Variants in FAM171A1 observed in about 807,000 individuals in gnomAD.
FAM171A1 encodes protein FAM171A1.
A neutral mutation model predicts 74.9 loss-of-function variants in FAM171A1; 23 were observed. The observed-to-expected ratio is 0.31, with a 90% CI of 0.22 to 0.44. The LOEUF is 0.44. Among genes scored for constraint, FAM171A1 ranks in the 20% least tolerant of loss-of-function variants. The probability of loss-of-function intolerance (pLI) is 1.00; values close to 1 mark genes in which losing one functional copy is unlikely to be tolerated. For synonymous variants in FAM171A1, 527 were observed against 505.7 expected (o/e 1.04, Z -0.57); for missense variants, 1,162 against 1,159.2 (o/e 1.00, Z -0.03).
intron 2 of FAM171A1, 29 bp from the exon 3 acceptor site, chr10:15,275,976 G>T: frequency 2.0e-6 from 3 of 1,517,612 alleles, no homozygotes; most frequent in Non-Finnish European, 2.7e-6. Context: ...GATAGAAGGG[G>T]ATTTTAATAG....
At chr10:15,321,041 G>A (rs982221689) in intron 1 of FAM171A1, among the ~76,000 whole-genome samples, 1 of 152,076 alleles carries the variant, frequency 6.6e-6, no homozygotes, top group Non-Finnish European at 1.5e-5. Context: ...AGTTTATGTT[G>A]GCTTATTTGA....
At chr10:15,259,450 C>CAAA (rs898189029) in intron 3 of FAM171A1, among the ~76,000 whole-genome samples, 1 of 151,472 alleles carries the variant, frequency 6.6e-6, no homozygotes, top group Non-Finnish European at 1.5e-5. Context: ...ACAATGATGA[C>CAAA]AAAAAAAACA....
At chr10:15,260,023 C>T (rs532781695) in intron 3 of FAM171A1, among the ~76,000 whole-genome samples, 4 of 152,032 alleles carry the variant, frequency 2.6e-5, no homozygotes, top group Admixed American at 6.6e-5. Context: ...GATGAGGTTT[C>T]GCCATGTTGC....
chr10:15,269,643 G>A (rs1412885441), intron 3 of FAM171A1, among the ~76,000 whole-genome samples: 2 of 152,132 alleles, frequency 1.3e-5, no homozygotes, highest in Admixed American at 6.5e-5. Context: ...ACACTGGCCT[G>A]CTTATTAGTC....
At chr10:15,306,663 G>T (rs1835299725) in intron 1 of FAM171A1, among the ~76,000 whole-genome samples, 1 of 152,198 alleles carries the variant, frequency 6.6e-6, no homozygotes, top group Non-Finnish European at 1.5e-5. Flanking sequence ...ACTGAGCCTG[G>T]CATAGCCATT....
intron 1 of FAM171A1, among the ~76,000 whole-genome samples, chr10:15,346,709 C>A (rs4339937): frequency 2.6e-5 from 4 of 152,098 alleles, no homozygotes; most frequent in Non-Finnish European, 4.4e-5. Flanking sequence ...ATGGGTCCAG[C>A]ACACCCAACT....
intron 1 of FAM171A1, among the ~76,000 whole-genome samples, chr10:15,337,880 G>A (rs1474880750): frequency 1.3e-5 from 2 of 152,156 alleles, no homozygotes; most frequent in African/African-American, 4.8e-5. Context: ...GAACCTGGGA[G>A]GCAGAGGCTG....
At chr10:15,317,076 C>T (rs932371374) in intron 1 of FAM171A1, among the ~76,000 whole-genome samples, 6 of 151,104 alleles carry the variant, frequency 4.0e-5, no homozygotes, top group African/African-American at 1.5e-4. Context: ...AAGGTGGCAA[C>T]AGTTGTATAG....
At chr10:15,349,410 A>G (rs1835853296) in intron 1 of FAM171A1, among the ~76,000 whole-genome samples, 1 of 152,230 alleles carries the variant, frequency 6.6e-6, no homozygotes. Context: ...CAGTGAATCG[A>G]TGAATATCAC....
chr10:15,284,117 G>C lies in FAM171A1; in HGVS notation c.98-12C>G, dbSNP rs774959477. On this transcript the variant is annotated splice_polypyrimidine_tract_variant and intron_variant, in intron 1 of 7. Coordinates refer to ENST00000378116, the MANE Select transcript of FAM171A1 (RefSeq NM_001010924.2). ...CTTTAACGTCACCTCTGGAGGTAGA[G>C]AAAGCACAAAGAACAGCTACTGTCA... 2 of 1,611,416 alleles carry C rather than the reference G, an allele frequency of 1.2e-6. No homozygotes were observed. The highest frequency in any genetic ancestry group is 2.2e-5 in the South Asian group (2 of 90,984).
chr10:15,213,206 C>T lies in FAM171A1; in HGVS notation c.2382G>A (p.Val794=), dbSNP rs1364033556. 6.2e-7 allele frequency: 1 copy of T among 1,614,132 alleles called. No homozygotes were observed. ...AYTQLVYLDD[V]EQSGSECGTT... ...TCCCACATTCGCTACCACTCTGTTC[C>T]ACGTCATCCAGGTACACGAGCTGCG... Residue 794 remains valine, a synonymous_variant, in exon 8 of 8, where the codon GTG becomes GTA. Transcript: ENST00000378116. The surrounding 1 kb of genome is among the most constrained non-coding windows in gnomAD (Gnocchi z 6.8).
intron 6 of FAM171A1, among the ~76,000 whole-genome samples, chr10:15,217,616 T>C (rs1833983028): frequency 6.6e-6 from 1 of 152,048 alleles, no homozygotes; most frequent in Non-Finnish European, 1.5e-5. Context: ...AATTAGATAC[T>C]GGCTTACTTG....
chr10:15,249,882 A>G (rs1052056654), intron 4 of FAM171A1, among the ~76,000 whole-genome samples: 4 of 152,258 alleles, frequency 2.6e-5, no homozygotes, highest in African/African-American at 9.6e-5. Context: ...AGTGAAATAC[A>G]ATATCGCACA....
intron 1 of FAM171A1, among the ~76,000 whole-genome samples, chr10:15,298,798 C>G (rs1835192073): frequency 6.6e-6 from 1 of 152,008 alleles, no homozygotes; most frequent in Non-Finnish European, 1.5e-5. Context: ...CATACAATAC[C>G]CTGCTCCACT....
intron 5 of FAM171A1, among the ~76,000 whole-genome samples, chr10:15,227,025 A>G (rs1404072312): frequency 1.3e-5 from 2 of 152,148 alleles, no homozygotes; most frequent in South Asian, 2.1e-4. Context: ...TTTTAGACAG[A>G]GTCTCATTCT....
intron 1 of FAM171A1, among the ~76,000 whole-genome samples, chr10:15,295,598 A>G (rs1432673511): frequency 6.6e-6 from 1 of 151,926 alleles, no homozygotes; most frequent in African/African-American, 2.4e-5. Context: ...TATTTCCTCA[A>G]ATTGGCCTTT....
intron 1 of FAM171A1, among the ~76,000 whole-genome samples, chr10:15,341,152 C>G (rs973515978): frequency 2.0e-5 from 3 of 152,148 alleles, no homozygotes; most frequent in African/African-American, 7.2e-5. Flanking sequence ...TAGTAGGACA[C>G]GCACCATGGA....
At chr10:15,341,101 C>T (rs577029016) in intron 1 of FAM171A1, among the ~76,000 whole-genome samples, 3 of 152,274 alleles carry the variant, frequency 2.0e-5, no homozygotes, top group South Asian at 4.1e-4. Flanking sequence ...AACATAAAGA[C>T]GTTTACAATT....
At chr10:15,333,459 C>A (rs1032589504) in intron 1 of FAM171A1, among the ~76,000 whole-genome samples, 2 of 152,184 alleles carry the variant, frequency 1.3e-5, no homozygotes, top group African/African-American at 2.4e-5. Flanking sequence ...GAGATCACGC[C>A]ATTGCACTCC....
Sources: gnomAD v4.1 joint callset for allele counts (sites outside exome capture counted in the v4.1 genomes callset) on GRCh38, gnomAD v4.1.1 for gene constraint, Gnocchi (gnomAD v3.1) non-coding constraint, MANE v1.5 for transcripts, NCBI Gene and HGNC (gene_info 2026-07-23, HGNC 2026-07-21) for gene names.